SDK1: variants seen among roughly 807,000 people sequenced by gnomAD.
SDK1 encodes protein sidekick-1.
In SDK1, 157 loss-of-function variants were observed where a neutral mutation model predicts 245.5. The observed-to-expected ratio is 0.64, with a 90% CI of 0.56 to 0.73. The LOEUF (loss-of-function observed/expected upper bound fraction) is 0.73, where lower values mean the gene tolerates loss of function less well. Among genes scored for constraint, SDK1 ranks in the 30% least tolerant of loss-of-function variants. The probability of loss-of-function intolerance (pLI) is 0.00; values close to 1 mark genes in which losing one functional copy is unlikely to be tolerated. For synonymous variants in SDK1, 1,647 were observed against 1,278.5 expected (o/e 1.29, Z -6.15); for missense variants, 3,583 against 3,002.3 (o/e 1.19, Z -4.52).
At chr7:3,805,551 T>G (rs1424231875) in intron 4 of SDK1, among the ~76,000 whole-genome samples, 1 of 152,228 alleles carries the variant, frequency 6.6e-6, no homozygotes. Context: ...ACTGGTTCTT[T>G]TTTGTGGCAA....
At chr7:4,097,767 G>A (rs1782252672) in intron 22 of SDK1, among the ~76,000 whole-genome samples, 2 of 152,278 alleles carry the variant, frequency 1.3e-5, no homozygotes, top group Non-Finnish European at 1.5e-5. Flanking sequence ...CTTTGGATAA[G>A]TATCTGTCAG....
intron 20 of SDK1, among the ~76,000 whole-genome samples, chr7:4,069,553 T>TGCCTGCGGGA (rs1780115978): frequency 6.6e-6 from 1 of 152,186 alleles, no homozygotes; most frequent in Admixed American, 6.5e-5. Context: ...CGTTCTCAGC[T>TGCCTGCGGGA]GCCTGCGGGA....
intron 5 of SDK1, among the ~76,000 whole-genome samples, chr7:3,916,919 C>G (rs760385762): frequency 2.0e-5 from 3 of 152,180 alleles, no homozygotes; most frequent in Admixed American, 1.3e-4. Context: ...CTGATACAGG[C>G]ACAGATGCAG....
intron 5 of SDK1, among the ~76,000 whole-genome samples, chr7:3,838,781 G>A (rs1006370146): frequency 6.6e-6 from 1 of 152,180 alleles, no homozygotes; most frequent in Non-Finnish European, 1.5e-5. Context: ...CATGCAGTGG[G>A]TGTCGATCAA....
chr7:3,629,162 A>G (rs1158999321), intron 2 of SDK1, among the ~76,000 whole-genome samples: 3 of 151,402 alleles, frequency 2.0e-5, no homozygotes, highest in African/African-American at 2.4e-5. Flanking sequence ...TTAGCCGGGC[A>G]TGGTGGCGGG....
intron 1 of SDK1, among the ~76,000 whole-genome samples, chr7:3,572,200 G>T (rs1780137821): frequency 6.6e-6 from 1 of 152,042 alleles, no homozygotes; most frequent in South Asian, 2.1e-4. Context: ...TTTCTACCTG[G>T]AAGTAACTCA....
chr7:3,383,042 C>G (rs1341209857), intron 1 of SDK1, among the ~76,000 whole-genome samples: 10 of 152,154 alleles, frequency 6.6e-5, no homozygotes, highest in Admixed American at 5.9e-4. Flanking sequence ...CCCACTCTCC[C>G]ACTTTACTAA....
At chr7:3,324,030 G>T (rs1779882022) in intron 1 of SDK1, among the ~76,000 whole-genome samples, 1 of 152,298 alleles carries the variant, frequency 6.6e-6, no homozygotes, top group East Asian at 1.9e-4. Flanking sequence ...TCTATTTCAT[G>T]TAGAAGTAAG....
At position 3,954,308 on chromosome 7, in the gene SDK1, T is replaced by C. The variant is rs182439484; in HGVS notation, c.1150+2388T>C. Among the ~76,000 whole-genome samples, 3 of 24,888 alleles carry C rather than the reference T, an allele frequency of 1.2e-4. 1 individual carries two copies. Among genetic ancestry groups the C allele is most frequent in the Admixed American group, 9.2e-4 (2 of 2,174 alleles). The allele number at this position is 24,888 out of a possible 152,430, so 16.3% of individuals were successfully genotyped here. ...CTCTACACTCTACAGCCTCCCCTCCTGCCTCCCCTCTACACCCTCCCCTCC... is the reference window on the plus strand; with the variant it reads ...CTCTACACTCTACAGCCTCCCCTCCCGCCTCCCCTCTACACCCTCCCCTCC... On this transcript the variant is annotated intron_variant, in intron 7 of 44. Transcript: ENST00000404826.
At chr7:3,417,797 A>T (rs1003921878) in intron 1 of SDK1, among the ~76,000 whole-genome samples, 4 of 152,198 alleles carry the variant, frequency 2.6e-5, no homozygotes, top group African/African-American at 9.7e-5. Context: ...CAGCAGCGAC[A>T]TAGACTGCTG....
At chr7:3,617,772 T>C (rs559693506) in intron 1 of SDK1, among the ~76,000 whole-genome samples, 49 of 152,324 alleles carry the variant, frequency 3.2e-4, no homozygotes, top group African/African-American at 1.1e-3. Flanking sequence ...AATCCATTCC[T>C]GAAGGTAGAG....
chr7:4,069,290 C>T (rs559129800), intron 20 of SDK1, among the ~76,000 whole-genome samples: 52 of 151,516 alleles, frequency 3.4e-4, no homozygotes, highest in African/African-American at 1.2e-3. Flanking sequence ...AACTCAGCCT[C>T]CAACAGACAT....
intron 13 of SDK1, among the ~76,000 whole-genome samples, chr7:3,984,586 A>G (rs945628774): frequency 6.6e-6 from 1 of 152,084 alleles, no homozygotes; most frequent in Non-Finnish European, 1.5e-5. Flanking sequence ...CTTATAGCAT[A>G]TGGTCACCTG....
chr7:3,546,424 C>T (rs945294091), intron 1 of SDK1, among the ~76,000 whole-genome samples: 1 of 152,104 alleles, frequency 6.6e-6, no homozygotes, highest in African/African-American at 2.4e-5. Flanking sequence ...ACACTAAAGC[C>T]GTTTTTAAAA....
At chr7:3,466,968 C>T (rs1393002677) in intron 1 of SDK1, among the ~76,000 whole-genome samples, 1 of 105,302 alleles carries the variant, frequency 9.5e-6, no homozygotes, top group Admixed American at 9.5e-5. Flanking sequence ...AATCTCTCTC[C>T]TCTCTCTCTC....
At chr7:3,558,599 A>G (rs1393851361) in intron 1 of SDK1, among the ~76,000 whole-genome samples, 1 of 152,200 alleles carries the variant, frequency 6.6e-6, no homozygotes, top group African/African-American at 2.4e-5. Flanking sequence ...TGAAGGGAGT[A>G]AGAGCTGGGA....
intron 4 of SDK1, among the ~76,000 whole-genome samples, chr7:3,733,105 G>A (rs1411400709): frequency 1.3e-5 from 2 of 152,212 alleles, no homozygotes; most frequent in East Asian, 3.9e-4. Context: ...TCAGTGATGA[G>A]CTTAAAAGAG....
At position 4,089,731 on chromosome 7, in the gene SDK1, A is replaced by G. The variant is rs139988353; in HGVS notation, c.3324+10147A>G. ...TTAAACATTTCATGTGGAATTTCCA[A>G]TTCCCTTGAAGGGTAATCTTTCCCT... On this transcript the variant is annotated intron_variant, in intron 22 of 44. Transcript: ENST00000404826. 3.2e-3 allele frequency among the ~76,000 whole-genome samples: 481 copies of G among 152,350 alleles called. 3 individuals are homozygous for G. Among genetic ancestry groups the G allele is most frequent in the African/African-American group, 7.6e-3 (314 of 41,574 alleles).
At chr7:3,326,969 G>A (rs1779954870) in intron 1 of SDK1, among the ~76,000 whole-genome samples, 1 of 152,130 alleles carries the variant, frequency 6.6e-6, no homozygotes, top group Non-Finnish European at 1.5e-5. Flanking sequence ...TTTTCTTCCT[G>A]TGGGTTTACA....
Sources: gnomAD v4.1 joint callset for allele counts (sites outside exome capture counted in the v4.1 genomes callset) on GRCh38, gnomAD v4.1.1 for gene constraint, MANE v1.5 for transcripts, NCBI Gene and HGNC (gene_info 2026-07-23, HGNC 2026-07-21) for gene names.